Variants in MAGI2 observed in about 807,000 individuals in gnomAD.
MAGI2 encodes membrane-associated guanylate kinase, WW and PDZ domain-containing protein 2.
MAGI2 carries 35 observed loss-of-function variants against 133.3 expected under a neutral mutation model. The ratio of observed to expected loss-of-function variants is 0.26; its 90% confidence interval spans 0.20 to 0.35. The LOEUF is 0.35. MAGI2 is among the 10% of genes least tolerant of loss of function. The probability of loss-of-function intolerance (pLI) is 1.00; values close to 1 mark genes in which losing one functional copy is unlikely to be tolerated. For missense variants in MAGI2, 1,636 were observed against 1,863.4 expected, an observed-to-expected ratio of 0.88 and a Z score of 2.25; for synonymous variants, 729 against 710.6, an observed-to-expected ratio of 1.03 and a Z score of -0.41.
chr7:78,994,546 C>G (rs1237428909), intron 2 of MAGI2, among the ~76,000 whole-genome samples: 2 of 152,126 alleles, frequency 1.3e-5, no homozygotes, highest in Middle Eastern at 3.4e-3. Context: ...TATTCTGGAG[C>G]CTCCTAAGAT....
intron 1 of MAGI2, among the ~76,000 whole-genome samples, chr7:79,296,428 C>T (rs1487557272): frequency 2.6e-5 from 4 of 152,154 alleles, no homozygotes; most frequent in African/African-American, 9.7e-5. Flanking sequence ...AGGACATAAT[C>T]AGCTGAAGTG....
chr7:78,057,368 G>T (rs1024817505), intron 21 of MAGI2, among the ~76,000 whole-genome samples: 1 of 151,918 alleles, frequency 6.6e-6, no homozygotes, highest in African/African-American at 2.4e-5. Context: ...TCAGCCTCCC[G>T]GGTAGCTAGG....
chr7:78,464,984 TCTA>T (rs1790470252), intron 6 of MAGI2, among the ~76,000 whole-genome samples: 3 of 152,186 alleles, frequency 2.0e-5, no homozygotes, highest in African/African-American at 7.2e-5. Context: ...TAACTATGCT[TCTA>T]TAATCAGTTT....
intron 1 of MAGI2, among the ~76,000 whole-genome samples, chr7:79,036,237 A>C (rs61639395): frequency 1.3e-5 from 2 of 152,216 alleles, no homozygotes; most frequent in Non-Finnish European, 2.9e-5. Flanking sequence ...AAAGGTAAGC[A>C]AAGCCAGCAA....
chr7:78,515,710 G>T (rs995428278), intron 4 of MAGI2, among the ~76,000 whole-genome samples: 3 of 152,154 alleles, frequency 2.0e-5, no homozygotes, highest in Admixed American at 2.0e-4. Flanking sequence ...AGACCAGCCT[G>T]ACCAAATGGA....
At chr7:78,974,344 C>G (rs1804049180) in intron 2 of MAGI2, among the ~76,000 whole-genome samples, 1 of 151,766 alleles carries the variant, frequency 6.6e-6, no homozygotes, top group Non-Finnish European at 1.5e-5. Context: ...ATTTTTAGCT[C>G]TAATGTCTGA....
chr7:79,026,574 C>A (rs1049263914), intron 1 of MAGI2, among the ~76,000 whole-genome samples: 1 of 152,162 alleles, frequency 6.6e-6, no homozygotes, highest in Non-Finnish European at 1.5e-5. Flanking sequence ...AACAACCCAA[C>A]TTAAAAAATG....
At chr7:79,403,080 C>A (rs777420258) in intron 1 of MAGI2, among the ~76,000 whole-genome samples, 3 of 152,180 alleles carry the variant, frequency 2.0e-5, no homozygotes, top group Non-Finnish European at 4.4e-5. Context: ...GACACACACT[C>A]ACTCATCTGT....
chr7:78,600,729 G>T (rs2150876794), intron 3 of MAGI2, among the ~76,000 whole-genome samples: 1 of 152,210 alleles, frequency 6.6e-6, no homozygotes, highest in South Asian at 2.1e-4. Context: ...ACACACGAGG[G>T]GAGGTGTGTG....
At chr7:78,461,383 C>CGTGTGTGCGTGTGTGT (rs1487666561) in intron 6 of MAGI2, among the ~76,000 whole-genome samples, 1 of 92,658 alleles carries the variant, frequency 1.1e-5, no homozygotes, top group Non-Finnish European at 2.2e-5. Context: ...TTCCTGGACA[C>CGTGTGTGCGTGTGTGT]GTGTGTGTGC....
intron 2 of MAGI2, among the ~76,000 whole-genome samples, chr7:78,693,827 A>G (rs937308179): frequency 6.6e-6 from 1 of 152,078 alleles, no homozygotes; most frequent in African/African-American, 2.4e-5. Context: ...CTTTTCAAGG[A>G]GTTGGGTGCT....
chr7:79,101,198 T>C (rs1817938825), intron 1 of MAGI2, among the ~76,000 whole-genome samples: 1 of 152,140 alleles, frequency 6.6e-6, no homozygotes, highest in Non-Finnish European at 1.5e-5. Flanking sequence ...TAGAGATAAC[T>C]ATGGTTAAAA....
chr7:79,148,257 C>A (rs1018893141), intron 1 of MAGI2, among the ~76,000 whole-genome samples: 3 of 152,068 alleles, frequency 2.0e-5, no homozygotes, highest in Non-Finnish European at 4.4e-5. Context: ...TTTGGTGAAC[C>A]TTGTTAGGAT....
chr7:78,824,701 A>AT (rs1790468903), intron 2 of MAGI2, among the ~76,000 whole-genome samples: 1 of 152,010 alleles, frequency 6.6e-6, no homozygotes, highest in African/African-American at 2.4e-5. Flanking sequence ...GATTGCAAAC[A>AT]TTTTCTCCCA....
At chr7:79,022,037 C>A (rs940761626) in intron 1 of MAGI2, among the ~76,000 whole-genome samples, 1 of 152,140 alleles carries the variant, frequency 6.6e-6, no homozygotes, top group African/African-American at 2.4e-5. Context: ...TCCTGCTGCC[C>A]TGTGAAAAGG....
At position 78,451,482 on chromosome 7, in the gene MAGI2, C is replaced by T. The variant is rs542786482; in HGVS notation, c.1045+38279G>A. On this transcript the variant is annotated intron_variant, in intron 6 of 21. Transcript: ENST00000354212. Reference sequence around the variant, plus strand: ...AGAACTAGTAAATTTCAGAGCTTCCCGTGAGAATGACAGAAGTAATATGAG... The same window carrying T: ...AGAACTAGTAAATTTCAGAGCTTCCTGTGAGAATGACAGAAGTAATATGAG... Among the ~76,000 whole-genome samples, 25 of 152,084 alleles carry T rather than the reference C, an allele frequency of 1.6e-4. No individual in the cohort carries two copies. The South Asian group carries it at 1.9e-3, about 11-fold the overall frequency.
chr7:79,289,862 T>C (rs12111980), intron 1 of MAGI2, among the ~76,000 whole-genome samples: 92,616 of 151,872 alleles, frequency 0.61, 29,752 homozygotes, highest in Non-Finnish European at 0.7. Flanking sequence ...TTAATATCTG[T>C]CTTAGAATTG....
At chr7:78,580,654 T>C (rs575507733) in intron 3 of MAGI2, among the ~76,000 whole-genome samples, 1 of 152,308 alleles carries the variant, frequency 6.6e-6, no homozygotes, top group Non-Finnish European at 1.5e-5. Flanking sequence ...CTTGAGCTAG[T>C]TCAGCAAATG....
chr7:78,406,843 A>G (rs991221012), intron 6 of MAGI2, among the ~76,000 whole-genome samples: 1 of 152,112 alleles, frequency 6.6e-6, no homozygotes, highest in Non-Finnish European at 1.5e-5. Flanking sequence ...TTCAATGTCT[A>G]TTGACATATA....
Sources: gnomAD v4.1 joint callset for allele counts (sites outside exome capture counted in the v4.1 genomes callset) on GRCh38, gnomAD v4.1.1 for gene constraint, MANE v1.5 for transcripts, NCBI Gene and HGNC (gene_info 2026-07-23, HGNC 2026-07-21) for gene names.